Variants in ALDH3A1 observed in about 807,000 individuals in gnomAD.
ALDH3A1 encodes the protein aldehyde dehydrogenase 3 family member A1, also known as aldehyde dehydrogenase, dimeric NADP-preferring.
Under a neutral mutation model 49.9 loss-of-function variants are expected in ALDH3A1, and 46 were observed. The ratio of observed to expected loss-of-function variants is 0.92; its 90% CI spans 0.73 to 1.18. ALDH3A1 has a LOEUF of 1.18. Among genes scored for constraint, ALDH3A1 ranks in the 50% most tolerant of loss-of-function variants. The probability of loss-of-function intolerance (pLI) is 0.00; values close to 1 mark genes in which losing one functional copy is unlikely to be tolerated. For synonymous variants in ALDH3A1, 269 were observed against 253.3 expected (o/e 1.06, Z -0.59); for missense variants, 592 against 611.8 (o/e 0.97, Z 0.34).
intron 1 of ALDH3A1, among the ~76,000 whole-genome samples, chr17:19,745,833 A>G (rs1597676957): frequency 6.6e-6 from 1 of 152,360 alleles, no homozygotes; most frequent in East Asian, 1.9e-4. Flanking sequence ...TTTCAAACAT[A>G]CTTCTCTGTG....
At chr17:19,746,717 G>A (rs1012343352) in intron 1 of ALDH3A1, among the ~76,000 whole-genome samples, 6 of 151,260 alleles carry the variant, frequency 4.0e-5, no homozygotes, top group Admixed American at 6.6e-5. Context: ...GTGCATGTGC[G>A]TGTGTGTGCG....
chr17:19,746,711 ATGTGCGTGTGTGTGCGCGCG>A (rs1006567048), intron 1 of ALDH3A1, among the ~76,000 whole-genome samples: 15 of 138,406 alleles, frequency 1.1e-4, no homozygotes, highest in Admixed American at 2.1e-4. Context: ...GTGTGTGTGC[ATGTGCGTGTGTGTGCGCGCG>A]TGTGCGTGTG....
chr17:19,742,334 G>T (rs145293763), intron 4 of ALDH3A1, 122 bp from the exon 5 acceptor site: 1 of 1,202,128 alleles, frequency 8.3e-7, no homozygotes. Flanking sequence ...CACCTTGGGC[G>T]GGGGGTAGCA....
rs999220597 is a variant in ALDH3A1, at chr17:19,745,399, C to G, written c.-5-265G>C. 3 of 457,380 alleles carry G rather than the reference C, an allele frequency of 6.6e-6. No homozygotes were observed. The East Asian group carries it at 1.1e-4, about 17-fold the overall frequency. The allele number at this position is 457,380 out of a possible 1,614,324, so 28.3% of individuals were successfully genotyped here. ...AACTGCTGCTGGGGGCTCTTGGCAG[C>G]GTGCTCGCGGCAGGGCCTTTCCCGG... On this transcript the variant is annotated intron_variant, in intron 1 of 10. Transcript: ENST00000225740.
rs533116559 is a variant in ALDH3A1 at position 19,744,358 on chromosome 17, G to C, written c.162+610C>G. The C allele has an allele frequency of 3.2e-6, 3 of 928,894 alleles. No individual in the cohort carries two copies. The African/African-American group carries it at 5.3e-5, about 17-fold the overall frequency. The allele number at this position is 928,894 out of a possible 1,614,324, so 57.5% of individuals were successfully genotyped here. A position where few individuals can be genotyped will look rare whatever the true frequency, so the allele number is the denominator to read the frequency against. ...GCGGAGGTTGCAGTGAGCCGAGATC[G>C]CGCCATTACACTCCAGCCTGGGCGA... is the stretch of plus-strand genomic sequence containing the variant. On this transcript the variant is annotated intron_variant, in intron 2 of 10. Transcript: ENST00000225740.
intron 8 of ALDH3A1, 81 bp downstream of exon 8, chr17:19,739,427 G>T: frequency 6.7e-7 from 1 of 1,485,184 alleles, no homozygotes; most frequent in East Asian, 2.4e-5. Context: ...CACACAGCCA[G>T]AGAACAGTGA....
chr17:19,742,159 C>T lies in ALDH3A1; in HGVS notation c.534G>A (p.Lys178=). 1.2e-6 allele frequency: 2 copies of T among 1,614,108 alleles called. No homozygotes were observed. The highest frequency in any genetic ancestry group is 1.7e-6 in the Non-Finnish European group (2 of 1,180,026). ...TGTACAGGATATGGTCGAACCTCTC[C>T]TTGAGCAGCTCCGTGGTCTCAGGGA... is the stretch of plus-strand genomic sequence containing the variant. ...GGVPETTELL[K]ERFDHILYTG... Residue 178 remains lysine (K), a synonymous_variant, in exon 5 of 11, where the codon AAG becomes AAA. Transcript: ENST00000225740.
Position 19,739,091 on chromosome 17 carries a change from A to C in ALDH3A1, c.1121T>G (p.Ile374Ser). Residue 374 changes from isoleucine (I) to serine (S), a missense_variant, in exon 9 of 11, where the codon ATT becomes AGT. Ile to Ser is a moderately radical substitution (Grantham distance 142, BLOSUM62 -2). Coordinates refer to ENST00000225740, the MANE Select transcript of ALDH3A1 (RefSeq NM_000691.5). ...GGATGTCTCTGCAATCATCTTCTTA[A>C]TCACCTGCACCAGGACCCAGCCACT... The part of the protein sequence containing the change: ...LYMFSSNDKV[I>S]KKMIAETSSG... 6.2e-7 allele frequency: 1 copy of C among 1,612,972 alleles called. No individual in the cohort carries two copies. Among genetic ancestry groups the C allele is most frequent in the Non-Finnish European group, 8.5e-7 (1 of 1,179,792 alleles).
intron 1 of ALDH3A1, among the ~76,000 whole-genome samples, chr17:19,746,848 T>C (rs2086608467): frequency 6.6e-6 from 1 of 152,224 alleles, no homozygotes; most frequent in African/African-American, 2.4e-5. Flanking sequence ...GTTTTCCTCT[T>C]ATGCAATGTT....
At position 19,743,057 on chromosome 17, in the gene ALDH3A1, A is replaced by G. The variant is rs1056981728; in HGVS notation, c.394+175T>C. On this transcript the variant is annotated intron_variant, in intron 3 of 10. Coordinates refer to ENST00000225740, the MANE Select transcript of ALDH3A1 (RefSeq NM_000691.5). The surrounding 1 kb of genome is among the most constrained non-coding windows in gnomAD (Gnocchi z 4.4). ...GGTGTGGACACCTGAGCCTGACTGGACCTCAGGCACCAAGAGGCCTGGCTA... is the reference window on the plus strand; with the variant it reads ...GGTGTGGACACCTGAGCCTGACTGGGCCTCAGGCACCAAGAGGCCTGGCTA... 14 of 1,533,394 alleles carry G rather than the reference A, an allele frequency of 9.1e-6. No individual in the cohort carries two copies. The highest frequency in any genetic ancestry group is 1.4e-5 in the African/African-American group (1 of 72,956). 95.0% of individuals were successfully genotyped at this position (1,533,394 alleles called of 1,614,324 possible).
At chr17:19,745,216 G>C in intron 1 of ALDH3A1, 82 bp from the exon 2 acceptor site, 1 of 1,402,552 alleles carries the variant, frequency 7.1e-7, no homozygotes, top group Non-Finnish European at 9.4e-7. Flanking sequence ...TATAGGAAGG[G>C]ACTTCCCTGG....
At position 19,743,023 on chromosome 17, in the gene ALDH3A1, G is replaced by A. The variant is rs75355613; in HGVS notation, c.394+209C>T. ...GGGTGGGGGAAGGCAGGCCCTCTCT[G>A]TATCACCAGGTGTGGACACCTGAGC... On this transcript the variant is annotated intron_variant, in intron 3 of 10. Transcript: ENST00000225740. The surrounding 1 kb of genome is among the most constrained non-coding windows in gnomAD (Gnocchi z 4.4). The A allele has an allele frequency of 2.9e-5, 44 of 1,532,134 alleles. No individual in the cohort carries two copies. In the East Asian group the frequency reaches 9.3e-4, roughly 32 times the overall value. 94.9% of individuals were successfully genotyped at this position (1,532,134 alleles called of 1,614,324 possible).
Position 19,743,855 on chromosome 17 carries a change from T to G in ALDH3A1, c.163-392A>C. 2.0e-6 allele frequency: 2 copies of G among 980,918 alleles called. No homozygotes were observed. Among genetic ancestry groups the G allele is most frequent in the African/African-American group, 1.8e-5 (1 of 55,572 alleles). The allele number at this position is 980,918 out of a possible 1,614,324, so 60.8% of individuals were successfully genotyped here. A position where few individuals can be genotyped will look rare whatever the true frequency, so the allele number is the denominator to read the frequency against. On this transcript the variant is annotated intron_variant, in intron 2 of 10. Transcript: ENST00000225740. The surrounding 1 kb of genome is among the most constrained non-coding windows in gnomAD (Gnocchi z 4.4). ...GGGGATAGATTCGGGCACTGGGAGC[T>G]GGATCCGGGCAGGGTGGAGGGAGCC...
chr17:19,739,472 G>A, intron 8 of ALDH3A1, 36 bp downstream of exon 8: 1 of 1,588,316 alleles, frequency 6.3e-7, no homozygotes, highest in Middle Eastern at 1.9e-4. Context: ...TGGGCCCCAG[G>A]ACCCTGGCAG....
At chr17:19,744,787 C>A (rs1343277944) in intron 2 of ALDH3A1, 181 bp downstream of exon 2, 2 of 1,372,084 alleles carry the variant, frequency 1.5e-6, no homozygotes, top group Non-Finnish European at 1.9e-6. Flanking sequence ...GCGGAAGAGG[C>A]GGCGGGGGCG....
intron 4 of ALDH3A1, 121 bp downstream of exon 4, chr17:19,742,424 C>G (rs1197149101): frequency 8.0e-7 from 1 of 1,253,654 alleles, no homozygotes; most frequent in East Asian, 2.4e-5. Flanking sequence ...AAGAACAATC[C>G]TCAGCCCCAC....
chr17:19,744,917 C>CCCCCT, intron 2 of ALDH3A1, 51 bp downstream of exon 2: 2 of 1,360,564 alleles, frequency 1.5e-6, no homozygotes, highest in South Asian at 1.4e-5. Context: ...CCCCCCACGC[C>CCCCCT]CCATCGCATG....
intron 2 of ALDH3A1, chr17:19,744,612 G>A (rs1597674642): frequency 8.1e-6 from 8 of 985,394 alleles, no homozygotes; most frequent in Non-Finnish European, 9.6e-6. Context: ...ATGCCCTCCG[G>A]GGTGCCAAGC....
chr17:19,743,807 AGG>A lies in ALDH3A1; in HGVS notation c.163-346_163-345del. 3.2e-6 allele frequency: 1 copy of A among 308,488 alleles called. No homozygotes were observed. Among genetic ancestry groups the A allele is most frequent in the Non-Finnish European group, 3.6e-6 (1 of 276,696 alleles). The allele number at this position is 308,488 out of a possible 1,614,324, so 19.1% of individuals were successfully genotyped here. ...TCAGGCAGTGGGAATGGATCCGGGGAGGGGGGGATGGATCCGGGGAGGGGGGA... is the reference window on the plus strand; with the variant it reads ...TCAGGCAGTGGGAATGGATCCGGGGAGGGGGATGGATCCGGGGAGGGGGGA... On this transcript the variant is annotated intron_variant, in intron 2 of 10. Coordinates refer to ENST00000225740, the MANE Select transcript of ALDH3A1 (RefSeq NM_000691.5). This position sits in a 1 kb window ranked among gnomAD's most constrained non-coding sequence, Gnocchi z 4.4.
Sources: gnomAD v4.1 joint callset for allele counts (sites outside exome capture counted in the v4.1 genomes callset) on GRCh38, gnomAD v4.1.1 for gene constraint, Gnocchi (gnomAD v3.1) non-coding constraint, MANE v1.5 for transcripts, NCBI Gene and HGNC (gene_info 2026-07-23, HGNC 2026-07-21) for gene names.